NAV1: variants seen among roughly 807,000 people sequenced by gnomAD.
The protein encoded by NAV1 is pore membrane and/or filament interacting like protein 3.
A neutral mutation model predicts 175.2 loss-of-function variants in NAV1; 18 were observed. That is an observed-to-expected ratio of 0.10 (90% confidence interval 0.07 to 0.15). The LOEUF (loss-of-function observed/expected upper bound fraction) is 0.15, where lower values mean the gene tolerates loss of function less well. Ranked by LOEUF, NAV1 falls within the 10% of genes least tolerant of loss-of-function variation. The pLI, the probability that NAV1 is intolerant of heterozygous loss-of-function variation, is 1.00. For missense variants in NAV1, 1,731 were observed against 2,436.6 expected, an observed-to-expected ratio of 0.71 and a Z score of 6.10; for synonymous variants, 897 against 978.7, an observed-to-expected ratio of 0.92 and a Z score of 1.56.
chr1:201,675,317 A>T (rs532526027), intron 1 of NAV1, among the ~76,000 whole-genome samples: 1 of 152,220 alleles, frequency 6.6e-6, no homozygotes, highest in African/African-American at 2.4e-5. Context: ...TTAATGTCCT[A>T]CTGCTGCCTG....
chr1:201,558,283 G>A (rs1666092305), intron 1 of NAV1, among the ~76,000 whole-genome samples: 1 of 152,204 alleles, frequency 6.6e-6, no homozygotes, highest in Non-Finnish European at 1.5e-5. Context: ...AGGGGAAGGG[G>A]AAATGCGGGC....
At chr1:201,664,714 C>T (rs1420069876) in intron 1 of NAV1, among the ~76,000 whole-genome samples, 1 of 152,186 alleles carries the variant, frequency 6.6e-6, no homozygotes, top group Non-Finnish European at 1.5e-5. Context: ...TGGGTCTTGC[C>T]TCAGGGAGCT....
chr1:201,648,722 C>G (rs1435794124), exon 1 of NAV1: 29 of 1,415,466 alleles, frequency 2.0e-5, no homozygotes, highest in Admixed American at 5.8e-5. Flanking sequence ...TGAGCAGCGG[C>G]GGCGGCGACG....
chr1:201,663,508 A>G (rs992607856), intron 1 of NAV1, among the ~76,000 whole-genome samples: 1 of 152,110 alleles, frequency 6.6e-6, no homozygotes, highest in Non-Finnish European at 1.5e-5. Flanking sequence ...TCCCGGGTTC[A>G]ATGAAACCAC....
At chr1:201,762,659 C>G (rs1476810072) in intron 3 of NAV1, among the ~76,000 whole-genome samples, 1 of 152,236 alleles carries the variant, frequency 6.6e-6, no homozygotes, top group African/African-American at 2.4e-5. Flanking sequence ...GCCTGCAAAG[C>G]CTCATAAATA....
chr1:201,659,865 T>G (rs375734300), intron 1 of NAV1, among the ~76,000 whole-genome samples: 91 of 152,298 alleles, frequency 6.0e-4, no homozygotes, highest in African/African-American at 1.5e-3. Context: ...TTCATCTCTC[T>G]CTGTTCCTTT....
At chr1:201,639,102 CAG>C (rs568293683) in intron 2 of NAV1, among the ~76,000 whole-genome samples, 478 of 152,300 alleles carry the variant, frequency 3.1e-3, no homozygotes, top group Non-Finnish European at 4.8e-3. Flanking sequence ...ATTCATATAA[CAG>C]AAGGCATTCA....
chr1:201,601,759 A>G (rs1028156585), intron 2 of NAV1, among the ~76,000 whole-genome samples: 5 of 152,204 alleles, frequency 3.3e-5, no homozygotes, highest in Admixed American at 3.3e-4. Context: ...TTCTATTGTT[A>G]AAAGCCACCC....
At chr1:201,634,843 GT>G in intron 2 of NAV1, among the ~76,000 whole-genome samples, 1 of 152,084 alleles carries the variant, frequency 6.6e-6, no homozygotes. Flanking sequence ...ATTCTACGTG[GT>G]TTTTGCAACT....
chr1:201,642,525 T>TTTCTTTCTTTCTTTCTTTC (rs1553247052), intron 2 of NAV1, among the ~76,000 whole-genome samples: 4,993 of 100,302 alleles, frequency 0.05, 369 homozygotes, highest in South Asian at 0.057. Context: ...TTCTTTCTTT[T>TTTCTTTCTTTCTTTCTTTC]TTTCTTTCTT....
chr1:201,791,009 C>A, intron 13 of NAV1: 1 of 487,608 alleles, frequency 2.1e-6, no homozygotes, highest in South Asian at 2.7e-5. Flanking sequence ...GAGTTCATGT[C>A]TGATGGGCTG....
chr1:201,558,380 T>G (rs1666097953), intron 1 of NAV1, among the ~76,000 whole-genome samples: 1 of 152,220 alleles, frequency 6.6e-6, no homozygotes, highest in Admixed American at 6.5e-5. Context: ...AATCATTCTC[T>G]TTGGGAATTG....
chr1:201,642,538 T>TTTC (rs1420352355), intron 2 of NAV1, among the ~76,000 whole-genome samples: 1 of 105,450 alleles, frequency 9.5e-6, no homozygotes, highest in African/African-American at 4.1e-5. Context: ...TCTTTCTTTC[T>TTTC]TTCTTTCTTT....
At chr1:201,673,461 A>G (rs1670126215) in intron 1 of NAV1, 1 of 152,212 alleles carries the variant, frequency 6.6e-6, no homozygotes, top group Non-Finnish European at 1.5e-5. Context: ...CTCCCAAAAA[A>G]TGAAAATTGA....
At chr1:201,548,092 C>T (rs1409702821) in intron 1 of NAV1, among the ~76,000 whole-genome samples, 1 of 152,214 alleles carries the variant, frequency 6.6e-6, no homozygotes, top group Non-Finnish European at 1.5e-5. Context: ...GTGCCCAGCC[C>T]ACTAGGTCTT....
chr1:201,751,831 T>C (rs1307191149), intron 3 of NAV1, among the ~76,000 whole-genome samples: 1 of 152,216 alleles, frequency 6.6e-6, no homozygotes, highest in African/African-American at 2.4e-5. Context: ...TTACCTTGCC[T>C]GAACACCTGT....
exon 1 of NAV1, chr1:201,648,563 T>C (rs1669062406): frequency 1.6e-6 from 2 of 1,251,414 alleles, no homozygotes; most frequent in Non-Finnish European, 2.0e-6. Context: ...CCGTCCTCTC[T>C]CTCCCCCTCC....
At chr1:201,672,952 T>C (rs1670101345) in intron 1 of NAV1, among the ~76,000 whole-genome samples, 1 of 152,182 alleles carries the variant, frequency 6.6e-6, no homozygotes, top group African/African-American at 2.4e-5. Flanking sequence ...GGGTGCATGT[T>C]AGGCCCACAT....
Position 201,705,145 on chromosome 1 carries a change from C to T in NAV1, c.758-7672C>T, listed in dbSNP as rs567188162. Among the ~76,000 whole-genome samples, 37 of 152,206 alleles carry T rather than the reference C, an allele frequency of 2.4e-4. 1 individual carries two copies. In the South Asian group the frequency reaches 7.1e-3, roughly 29 times the overall value. On this transcript the variant is annotated intron_variant, in intron 1 of 29. Transcript: ENST00000367296. ...TCTTTACGTGTTCTAAGTTGTCCAC[C>T]CGGCATGCCCTGCTTTACGATTCCT...
Sources: allele counts gnomAD v4.1 joint callset (sites outside exome capture counted in the v4.1 genomes callset), GRCh38; gene constraint gnomAD v4.1.1; transcripts MANE v1.5; gene names NCBI Gene and HGNC (gene_info 2026-07-23, HGNC 2026-07-21).